DNAH6: variants seen among roughly 807,000 people sequenced by gnomAD.
The protein encoded by DNAH6 is dynein axonemal heavy chain 6.
DNAH6 carries 340 observed loss-of-function variants against 491.4 expected under a neutral mutation model. The ratio of observed to expected loss-of-function variants is 0.69; its 90% confidence interval spans 0.63 to 0.76. The LOEUF is 0.76. Ranked by LOEUF, DNAH6 falls within the 30% of genes least tolerant of loss-of-function variation. The probability of loss-of-function intolerance (pLI) is 0.00; values close to 1 mark genes in which losing one functional copy is unlikely to be tolerated. For synonymous variants in DNAH6, 1,603 were observed against 1,686.1 expected, an observed-to-expected ratio of 0.95 and a Z score of 1.21; for missense variants, 4,443 against 4,972.2, an observed-to-expected ratio of 0.89 and a Z score of 3.20.
chr2:84,590,531 A>G (rs561489755), intron 16 of DNAH6, among the ~76,000 whole-genome samples: 1 of 149,598 alleles, frequency 6.7e-6, no homozygotes, highest in East Asian at 2.0e-4. Flanking sequence ...TACAACTCAC[A>G]TGTGAGCACT....
At chr2:84,734,209 G>A (rs565940209) in intron 62 of DNAH6, among the ~76,000 whole-genome samples, 51 of 146,706 alleles carry the variant, frequency 3.5e-4, no homozygotes, top group Admixed American at 6.9e-4. Flanking sequence ...GTGCAGTGGC[G>A]ATCTCAGCTC....
chr2:84,582,495 G>A (rs1414324210), intron 14 of DNAH6, among the ~76,000 whole-genome samples: 2 of 151,896 alleles, frequency 1.3e-5, no homozygotes, highest in East Asian at 1.9e-4. Flanking sequence ...TCTGTCGCCC[G>A]GCCTGGAGTG....
At chr2:84,522,624 A>AT (rs773560001) in intron 2 of DNAH6, among the ~76,000 whole-genome samples, 5 of 151,748 alleles carry the variant, frequency 3.3e-5, no homozygotes, top group African/African-American at 7.3e-5. Context: ...TATGGCTGTT[A>AT]TTTTGAGGTA....
intron 5 of DNAH6, among the ~76,000 whole-genome samples, chr2:84,546,908 G>A (rs778627682): frequency 9.9e-5 from 15 of 152,042 alleles, no homozygotes; most frequent in Non-Finnish European, 2.1e-4. Context: ...TTAATAGATG[G>A]GCCTTTCCAT....
chr2:84,670,007 A>G (rs145840100), intron 38 of DNAH6, among the ~76,000 whole-genome samples: 3 of 152,296 alleles, frequency 2.0e-5, no homozygotes, highest in Non-Finnish European at 2.9e-5. Context: ...ACAGGACTTC[A>G]CCGTTTCCCC....
chr2:84,561,489 C>T (rs1274111431), intron 11 of DNAH6, among the ~76,000 whole-genome samples: 4 of 152,162 alleles, frequency 2.6e-5, no homozygotes, highest in African/African-American at 9.7e-5. Flanking sequence ...CAAAGGACTT[C>T]ATGTCTAAAA....
rs199962095 is a variant in DNAH6, at chr2:84,659,120, C to A, written c.6035C>A (p.Ser2012Tyr). The A allele has an allele frequency of 6.2e-4, 940 of 1,513,422 alleles. 2 individuals carry two copies. The highest frequency in any genetic ancestry group is 6.2e-4 in the Non-Finnish European group (692 of 1,118,706). 93.7% of individuals were successfully genotyped at this position (1,513,422 alleles called of 1,614,324 possible). A position where few individuals can be genotyped will look rare whatever the true frequency, so the allele number is the denominator to read the frequency against. ...AACCTAACTGAAAACTACTATGATT[C>A]TTTTGATACATTTATTAGAACACAA... ...GGNLTENYYD[S>Y]FDTFIRTQFD... is the part of the protein sequence containing the mutation. The change falls in exon 37 of 77, where the codon TCT (serine) becomes TAT (tyrosine). Residue 2012 changes from serine to tyrosine, a missense_variant. Physicochemically the swap from Ser to Tyr is moderately radical, Grantham distance 144. This residue lies in a region of DNAH6 where 2,977 missense variants were observed against 3,296.6 expected (regional missense o/e 0.90). Coordinates refer to ENST00000389394, the MANE Select transcript of DNAH6 (RefSeq NM_001370.2).
chr2:84,497,437 T>C, the DNAH6 span, among the ~76,000 whole-genome samples: 1 of 152,224 alleles, frequency 6.6e-6, no homozygotes, highest in Admixed American at 6.5e-5. Flanking sequence ...TGTACAGATA[T>C]AGACTTTGTT....
chr2:84,646,646 C>T (rs913136194), intron 33 of DNAH6, among the ~76,000 whole-genome samples: 3 of 152,152 alleles, frequency 2.0e-5, no homozygotes, highest in African/African-American at 7.2e-5. Context: ...AAAGATTAAA[C>T]CAGCCACAAC....
the DNAH6 span, among the ~76,000 whole-genome samples, chr2:84,496,223 AGTTCATG>A: frequency 6.6e-6 from 1 of 152,330 alleles, no homozygotes; most frequent in Middle Eastern, 3.4e-3. Flanking sequence ...GCCTCCACCA[AGTTCATG>A]GTCCCTCCAC....
chr2:84,599,296 C>T (rs1227312299), intron 18 of DNAH6, among the ~76,000 whole-genome samples: 1 of 152,016 alleles, frequency 6.6e-6, no homozygotes, highest in Non-Finnish European at 1.5e-5. Flanking sequence ...AGTTCCTGTA[C>T]AGTGATTTTC....
At chr2:84,755,997 A>T (rs767733241) in intron 63 of DNAH6, among the ~76,000 whole-genome samples, 5 of 152,236 alleles carry the variant, frequency 3.3e-5, no homozygotes, top group Non-Finnish European at 7.3e-5. Flanking sequence ...GCTGCCATCC[A>T]TGTAAGGCGT....
intron 70 of DNAH6, among the ~76,000 whole-genome samples, chr2:84,801,247 T>TA (rs1035831956): frequency 1.1e-4 from 11 of 95,748 alleles, no homozygotes; most frequent in Admixed American, 3.2e-4. Context: ...AAAGTATAAT[T>TA]AAAAAAAAAG....
At chr2:84,677,203 A>T in intron 41 of DNAH6, 67 bp downstream of exon 41, 1 of 1,538,640 alleles carries the variant, frequency 6.5e-7, no homozygotes, top group Non-Finnish European at 8.8e-7. Flanking sequence ...GGCTCCCACA[A>T]TCAAAGTGGT....
intron 61 of DNAH6, among the ~76,000 whole-genome samples, chr2:84,728,109 C>G (rs1238609253): frequency 6.6e-6 from 1 of 152,060 alleles, no homozygotes; most frequent in South Asian, 2.1e-4. Flanking sequence ...AAGGGGAAAC[C>G]CTTTTCACTT....
At chr2:84,670,181 A>T (rs1692590295) in intron 38 of DNAH6, 147 bp from the exon 39 acceptor site, 4 of 585,082 alleles carry the variant, frequency 6.8e-6, no homozygotes, top group Non-Finnish European at 1.2e-5. Context: ...AACTAAATGG[A>T]ATCTCCAGTA....
intron 40 of DNAH6, among the ~76,000 whole-genome samples, chr2:84,675,559 T>C (rs17759986): frequency 0.026 from 3,993 of 152,298 alleles, 75 homozygotes; most frequent in Non-Finnish European, 0.042. Flanking sequence ...CTTGGCCAAA[T>C]CTTCTCTGAC....
intron 71 of DNAH6, among the ~76,000 whole-genome samples, chr2:84,806,996 G>T (rs531367438): frequency 1.3e-5 from 2 of 152,332 alleles, no homozygotes; most frequent in South Asian, 4.1e-4. Flanking sequence ...GATAGCTGCA[G>T]AGACCATGCA....
chr2:84,529,102 G>A lies in DNAH6; in HGVS notation c.598G>A (p.Gly200Arg). 6.4e-7 allele frequency: 1 copy of A among 1,550,538 alleles called. No homozygotes were observed. The highest frequency in any genetic ancestry group is 1.2e-5 in the South Asian group (1 of 84,016). ...IKIIRENEHLGFLYMIPAVPR... is the reference protein window; with the variant it reads ...IKIIRENEHLRFLYMIPAVPR... ...AATAATACGTGAAAATGAACATCTT[G>A]GATTTCTTTATATGATCCCTGCAGT... The change falls in exon 4 of 77, where the codon GGA becomes AGA. Residue 200 changes from glycine (G) to arginine (R), a missense_variant. Gly to Arg is a moderately radical substitution (Grantham distance 125). Coordinates refer to ENST00000389394, the MANE Select transcript of DNAH6 (RefSeq NM_001370.2).
Sources: gnomAD v4.1 joint callset for allele counts (sites outside exome capture counted in the v4.1 genomes callset) on GRCh38, gnomAD v4.1.1 for gene constraint, gnomAD v4.1.1 regional missense constraint, MANE v1.5 for transcripts, NCBI Gene and HGNC (gene_info 2026-07-23, HGNC 2026-07-21) for gene names.